The following SMYD3 variants were observed in gnomAD, a reference collection of about 807,000 sequenced individuals.
SMYD3 encodes the protein SET and MYND domain containing 3.
Under a neutral mutation model 57.7 loss-of-function variants are expected in SMYD3, and 36 were observed. The ratio of observed to expected loss-of-function variants is 0.62; its 90% CI spans 0.48 to 0.82. The LOEUF is 0.82. Ranked by LOEUF, SMYD3 falls within the 40% of genes least tolerant of loss-of-function variation. The pLI, the probability that SMYD3 is intolerant of heterozygous loss-of-function variation, is 0.00. For missense variants in SMYD3, 515 were observed against 538.8 expected (o/e 0.96, Z 0.44); for synonymous variants, 211 against 195.0 (o/e 1.08, Z -0.68).
intron 10 of SMYD3, among the ~76,000 whole-genome samples, chr1:245,803,077 C>T (rs879845053): frequency 2.6e-5 from 4 of 152,228 alleles, no homozygotes; most frequent in Non-Finnish European, 4.4e-5. Flanking sequence ...TCTACAGCTT[C>T]TAAAAATACT....
At position 245,835,964 on chromosome 1, in the gene SMYD3, C is replaced by T. The variant is rs140097044; in HGVS notation, c.1076+22532G>A. On this transcript the variant is annotated intron_variant, in intron 10 of 11. Transcript: ENST00000490107. The stretch of plus-strand genomic sequence containing the variant: ...CGAAAACTTGCTTTGCTAGTTAATG[C>T]TCTCTCTGCTCTCAGAGAGGGTCGA... 3.7e-4 allele frequency among the ~76,000 whole-genome samples: 57 copies of T among 152,262 alleles called. No homozygotes were observed. In the East Asian group the frequency reaches 9.7e-3, roughly 26 times the overall value.
chr1:245,929,737 A>T (rs1299197907), intron 6 of SMYD3, 133 bp downstream of exon 6: 4 of 688,678 alleles, frequency 5.8e-6, no homozygotes, highest in African/African-American at 3.6e-5. Flanking sequence ...TTTTTTTGTA[A>T]TTTATTGCTA....
chr1:245,947,346 C>T (rs778661225), intron 5 of SMYD3: 1 of 456,806 alleles, frequency 2.2e-6, no homozygotes, highest in Non-Finnish European at 4.4e-6. Flanking sequence ...GGAATTCATA[C>T]ACGGCACAAC....
intron 5 of SMYD3, among the ~76,000 whole-genome samples, chr1:246,085,241 T>C (rs1357728158): frequency 6.6e-6 from 1 of 152,152 alleles, no homozygotes; most frequent in Non-Finnish European, 1.5e-5. Context: ...ACATCTGAAG[T>C]ACCCTAATGA....
chr1:246,481,621 T>TATATATATATATATATATATATACACAC (rs1307881494), intron 1 of SMYD3, among the ~76,000 whole-genome samples: 1 of 98,558 alleles, frequency 1.0e-5, no homozygotes, highest in African/African-American at 3.7e-5. Context: ...CATACATATA[T>TATATATATATATATATATATATACACAC]ACATACATAC....
chr1:245,806,900 G>C (rs865842972), intron 10 of SMYD3, among the ~76,000 whole-genome samples: 1 of 107,836 alleles, frequency 9.3e-6, no homozygotes, highest in Non-Finnish European at 1.7e-5. Flanking sequence ...CTGGGCGACA[G>C]AGCGAGACTC....
intron 1 of SMYD3, among the ~76,000 whole-genome samples, chr1:246,480,674 G>A (rs2068088407): frequency 6.6e-6 from 1 of 152,092 alleles, no homozygotes; most frequent in African/African-American, 2.4e-5. Flanking sequence ...CCAGCAATGA[G>A]TATCCATAGA....
rs540000804 is a variant in SMYD3 at position 245,995,698 on chromosome 1, C to T, written c.532-65761G>A. ...AGACTAATGCAGCCTGCAGGGCTGA[C>T]GGAGCAGGGGCCTAGGCCCCAGTTC... On this transcript the variant is annotated intron_variant, in intron 5 of 11. Transcript: ENST00000490107. Among the ~76,000 whole-genome samples, 6 of 152,296 alleles carry T rather than the reference C, an allele frequency of 3.9e-5. No homozygotes were observed. In the East Asian group the frequency reaches 5.8e-4, roughly 15 times the overall value.
At chr1:245,905,509 G>A (rs2054500454) in intron 8 of SMYD3, among the ~76,000 whole-genome samples, 1 of 152,232 alleles carries the variant, frequency 6.6e-6, no homozygotes, top group Non-Finnish European at 1.5e-5. Context: ...GAAAAAGGAG[G>A]GAAGACTGAG....
chr1:245,841,437 C>G (rs1477278639), intron 10 of SMYD3, among the ~76,000 whole-genome samples: 2 of 152,134 alleles, frequency 1.3e-5, no homozygotes, highest in Non-Finnish European at 2.9e-5. Context: ...TCCCTCATTT[C>G]CTCCATGACC....
chr1:246,367,205 T>C (rs1051652342), intron 1 of SMYD3, among the ~76,000 whole-genome samples: 5 of 152,104 alleles, frequency 3.3e-5, no homozygotes, highest in South Asian at 2.1e-4. Flanking sequence ...TTGAGAAGCG[T>C]AGGGTTCCCA....
chr1:246,378,640 C>CAT (rs10673680), intron 1 of SMYD3, among the ~76,000 whole-genome samples: 68,095 of 119,140 alleles, frequency 0.57, 20,234 homozygotes, highest in Middle Eastern at 0.74. Context: ...ATCTCCCCTT[C>CAT]ATATATATAT....
chr1:246,037,635 A>ATAG (rs2059799501), intron 5 of SMYD3, among the ~76,000 whole-genome samples: 1 of 152,152 alleles, frequency 6.6e-6, no homozygotes, highest in South Asian at 2.1e-4. Flanking sequence ...AATCCCAGGG[A>ATAG]TAGTAATAGC....
At chr1:245,751,281 G>GA (rs2045337747) in intron 11 of SMYD3, among the ~76,000 whole-genome samples, 1 of 152,176 alleles carries the variant, frequency 6.6e-6, no homozygotes, top group African/African-American at 2.4e-5. Context: ...TGAACATCTT[G>GA]AAAACCACAG....
chr1:246,148,928 G>A (rs1022960009), intron 5 of SMYD3, among the ~76,000 whole-genome samples: 1 of 152,262 alleles, frequency 6.6e-6, no homozygotes, highest in African/African-American at 2.4e-5. Context: ...TCAGCCTGGA[G>A]TTCTCAGGTG....
chr1:246,435,566 A>G (rs547488379), intron 1 of SMYD3, among the ~76,000 whole-genome samples: 1 of 152,078 alleles, frequency 6.6e-6, no homozygotes, highest in South Asian at 2.1e-4. Flanking sequence ...GTAATACTAG[A>G]TAAGGAACAG....
chr1:245,839,532 G>A (rs1215619220), intron 10 of SMYD3, among the ~76,000 whole-genome samples: 2 of 152,094 alleles, frequency 1.3e-5, no homozygotes, highest in Non-Finnish European at 2.9e-5. Flanking sequence ...GGGGAGGCGG[G>A]GGCGACAGTA....
intron 1 of SMYD3, among the ~76,000 whole-genome samples, chr1:246,414,427 G>A (rs572495915): frequency 6.6e-5 from 10 of 152,262 alleles, no homozygotes; most frequent in Non-Finnish European, 1.2e-4. Context: ...ACACAGAGGA[G>A]GGTCCACATA....
chr1:245,933,323 G>T (rs978097276), intron 5 of SMYD3, among the ~76,000 whole-genome samples: 9 of 152,004 alleles, frequency 5.9e-5, no homozygotes, highest in African/African-American at 1.9e-4. Context: ...ATGCAACTGG[G>T]TTAATGAATT....
Sources: gnomAD v4.1 joint callset for allele counts (sites outside exome capture counted in the v4.1 genomes callset) on GRCh38, gnomAD v4.1.1 for gene constraint, MANE v1.5 for transcripts, NCBI Gene and HGNC (gene_info 2026-07-23, HGNC 2026-07-21) for gene names.